The following UNC50 variants were observed in gnomAD, a reference collection of about 807,000 sequenced individuals.
UNC50 encodes the protein unc-50 inner nuclear membrane RNA binding protein.
UNC50 carries 24 observed loss-of-function variants against 31.5 expected under a neutral mutation model. That is an observed-to-expected ratio of 0.76 (90% CI 0.55 to 1.07). The LOEUF is 1.07. UNC50 is among the 50% of genes least tolerant of loss of function. The pLI is 0.00. For missense variants in UNC50, 245 were observed against 304.2 expected (o/e 0.81, Z 1.45); for synonymous variants, 118 against 114.7 (o/e 1.03, Z -0.18).
intron 1 of UNC50, chr2:98,609,105 C>G (rs1464757598): frequency 6.5e-6 from 1 of 154,078 alleles, no homozygotes; most frequent in East Asian, 1.9e-4. Context: ...CTGCCGGCGT[C>G]TGGGGGGCCT....
Position 98,608,629 on chromosome 2 carries a change from G to GAGGGA in UNC50, c.-94_-90dup, listed in dbSNP as rs746994317. Reference sequence around the variant, plus strand: ...GCGCGCCCCAAGGGCCGGCTCCGTTGAGGGAAGGGAAGCCCGCCCGGTGGC... The same window carrying GAGGGA: ...GCGCGCCCCAAGGGCCGGCTCCGTTGAGGGAAGGGAAGGGAAGCCCGCCCGGTGGC... On this transcript the variant is annotated 5_prime_UTR_variant, in exon 1 of 6. Transcript: ENST00000357765. 214 of 583,790 alleles carry GAGGGA rather than the reference G, an allele frequency of 3.7e-4. No individual in the cohort carries two copies. Among genetic ancestry groups the GAGGGA allele is most frequent in the African/African-American group, 1.4e-3 (76 of 52,424 alleles). The allele number at this position is 583,790 out of a possible 1,614,324, so 36.2% of individuals were successfully genotyped here.
chr2:98,610,449 G>A (rs1195711929), intron 2 of UNC50, among the ~76,000 whole-genome samples: 1 of 152,206 alleles, frequency 6.6e-6, no homozygotes, highest in African/African-American at 2.4e-5. Flanking sequence ...TCATTTACCT[G>A]TAGGGTGTTG....
At position 98,610,842 on chromosome 2, in the gene UNC50, G is replaced by C. The variant is rs2104174450; in HGVS notation, c.348G>C (p.Trp116Cys). The change falls in exon 3 of 6, where the codon TGG becomes TGC. Residue 116 changes from tryptophan to cysteine, a missense_variant. Trp to Cys is a radical substitution (Grantham distance 215). Transcript: ENST00000357765. Reference sequence around the variant, plus strand: ...TTGAGACAATAAAGCTTCTCCTTTGGGTTGTACTCATAGATTGTGTAGGCG... The same window carrying C: ...TTGAGACAATAAAGCTTCTCCTTTGCGTTGTACTCATAGATTGTGTAGGCG... ...GFFETIKLLLWVVLIDCVGVG... is the reference protein window; with the variant it reads ...GFFETIKLLLCVVLIDCVGVG... 1.2e-6 allele frequency: 2 copies of C among 1,614,112 alleles called. No homozygotes were observed. Among genetic ancestry groups the C allele is most frequent in the East Asian group, 2.2e-5 (1 of 44,888 alleles).
chr2:98,618,464 C>A lies in UNC50; in HGVS notation c.*160C>A. 1.9e-6 allele frequency: 1 copy of A among 530,874 alleles called. No homozygotes were observed. The highest frequency in any genetic ancestry group is 2.9e-6 in the Non-Finnish European group (1 of 343,316). The allele number at this position is 530,874 out of a possible 1,614,324, so 32.9% of individuals were successfully genotyped here. ...TATTAACACTGTGGTCAGGTACATT[C>A]CTTAAAACTAATTAAATGTACATTT... On this transcript the variant is annotated 3_prime_UTR_variant, in exon 6 of 6. Coordinates refer to ENST00000357765, the MANE Select transcript of UNC50 (RefSeq NM_014044.7).
At chr2:98,610,129 A>G in intron 2 of UNC50, 90 bp downstream of exon 2, 1 of 1,332,272 alleles carries the variant, frequency 7.5e-7, no homozygotes, top group East Asian at 2.4e-5. Context: ...GAATCTGGAA[A>G]TATTGGAAAC....
chr2:98,609,792 G>A lies in UNC50; in HGVS notation c.33G>A (p.Val11=). 6.2e-7 allele frequency: 1 copy of A among 1,614,240 alleles called. No homozygotes were observed. The highest frequency in any genetic ancestry group is 8.5e-7 in the Non-Finnish European group (1 of 1,180,050). Residue 11 remains valine, a synonymous_variant, in exon 2 of 6, where the codon GTG becomes GTA. Transcript: ENST00000357765. ...CGAGTACTTCAGTGAATTCCTTAGT[G>A]CAGGGGAACGGAGTCTTGAATTCCA... MLPSTSVNSL[V]QGNGVLNSRD... is the part of the protein sequence containing the mutation.
chr2:98,610,783 A>G lies in UNC50; in HGVS notation c.289A>G (p.Ile97Val), dbSNP rs557568989. The change falls in exon 3 of 6, where the codon ATA becomes GTA. Residue 97 changes from isoleucine to valine, a missense_variant. Transcript: ENST00000357765. ...LLSIWLCVST[I>V]GFGFVLDMGF... Reference sequence around the variant, plus strand: ...GTGAATCTTTCTTTCAGTGTCCACTATAGGATTTGGCTTTGTGCTGGACAT... The same window carrying G: ...GTGAATCTTTCTTTCAGTGTCCACTGTAGGATTTGGCTTTGTGCTGGACAT... 8.1e-6 allele frequency: 13 copies of G among 1,614,060 alleles called. No homozygotes were observed. The highest frequency in any genetic ancestry group is 5.3e-5 in the African/African-American group (4 of 75,064).
Position 98,618,482 on chromosome 2 carries a change from G to A in UNC50, c.*178G>A, listed in dbSNP as rs959346131. The A allele has an allele frequency of 6.5e-6, 3 of 464,388 alleles. No individual in the cohort carries two copies. The East Asian group carries it at 1.1e-4, about 17-fold the overall frequency. 28.8% of individuals were successfully genotyped at this position (464,388 alleles called of 1,614,324 possible). ...GTACATTCCTTAAAACTAATTAAAT[G>A]TACATTTCTATAATAAATATTTTTT... On this transcript the variant is annotated 3_prime_UTR_variant, in exon 6 of 6. Transcript: ENST00000357765.
chr2:98,615,528 A>G (rs764535896), intron 3 of UNC50, among the ~76,000 whole-genome samples: 2 of 152,088 alleles, frequency 1.3e-5, no homozygotes, highest in Non-Finnish European at 2.9e-5. Context: ...CTCCAATCCA[A>G]TAATGTCAGG....
intron 3 of UNC50, among the ~76,000 whole-genome samples, chr2:98,615,794 G>GT (rs1700910844): frequency 6.6e-6 from 1 of 152,200 alleles, no homozygotes; most frequent in Admixed American, 6.5e-5. Context: ...CACAGGCTTC[G>GT]TAAGACATGG....
At position 98,609,939 on chromosome 2, in the gene UNC50, A is replaced by T. The variant is rs1020166888; in HGVS notation, c.180A>T (p.Pro60=). 9.3e-6 allele frequency: 15 copies of T among 1,614,106 alleles called. No homozygotes were observed. Among genetic ancestry groups the T allele is most frequent in the Non-Finnish European group, 1.3e-5 (15 of 1,180,052 alleles). Residue 60 remains proline, a synonymous_variant, in exon 2 of 6, where the codon CCA becomes CCT. Transcript: ENST00000357765. ...AGATGCTCTACCTGTTCACATCCCCACAGAGAGTTTACAGAAATTTTCATT... is the reference window on the plus strand; with the variant it reads ...AGATGCTCTACCTGTTCACATCCCCTCAGAGAGTTTACAGAAATTTTCATT... ...AWQMLYLFTS[P]QRVYRNFHYR...
At chr2:98,609,689 AGAG>A (rs779464487) in intron 1 of UNC50, 64 bp from the exon 2 acceptor site, 3 of 1,604,390 alleles carry the variant, frequency 1.9e-6, no homozygotes, top group Non-Finnish European at 2.6e-6. Context: ...ATAACTCAGA[AGAG>A]GAGTGTCGGT....
rs368384475 is a variant in UNC50 at position 98,618,292 on chromosome 2, C to G, written c.768C>G (p.Tyr256Ter). ...ATACTCTCTGTTCTTTCTATAAGTA[C>G]AGAGTGAAATAAAAAGTGAGAAGAA... Reference protein sequence around the residue: ...FTHTLCSFYKYRVK With the variant: ...FTHTLCSFYK Residue 256 changes from tyrosine (Y) to a stop codon, truncating the protein, a stop_gained, in exon 6 of 6, where the codon TAC becomes TAG. Transcript: ENST00000357765. LOFTEE classifies it high-confidence loss of function. 1.3e-6 allele frequency: 2 copies of G among 1,594,820 alleles called. No individual in the cohort carries two copies. Among genetic ancestry groups the G allele is most frequent in the Non-Finnish European group, 1.7e-6 (2 of 1,174,658 alleles).
chr2:98,608,926 T>C (rs1038870417), intron 1 of UNC50, 200 bp downstream of exon 1: 2 of 232,286 alleles, frequency 8.6e-6, no homozygotes, highest in African/African-American at 2.4e-5. Flanking sequence ...AAAGAGCATT[T>C]AGTATAAGCA....
rs1170518159 is a variant in UNC50 at position 98,616,548 on chromosome 2, T to A, written c.643+15T>A. The stretch of plus-strand genomic sequence containing the variant: ...GGGATACAGTGGTAAGTAATTTTTT[T>A]AAATGTTTTTGGTTGAGAACATAGC... On this transcript the variant is annotated intron_variant, in intron 5 of 5. Transcript: ENST00000357765. 9.4e-6 allele frequency: 15 copies of A among 1,603,454 alleles called. No homozygotes were observed. The highest frequency in any genetic ancestry group is 8.0e-5 in the African/African-American group (6 of 74,692).
intron 1 of UNC50, chr2:98,609,303 TGATG>T (rs60416840): frequency 0.24 from 40,428 of 171,150 alleles, 5,079 homozygotes; most frequent in Middle Eastern, 0.36. Flanking sequence ...GGCAGTGCGC[TGATG>T]GATCTGTGTG....
chr2:98,614,542 G>A (rs72823799), intron 3 of UNC50, among the ~76,000 whole-genome samples: 71 of 152,272 alleles, frequency 4.7e-4, no homozygotes, highest in Non-Finnish European at 8.7e-4. Context: ...CCTCTGACTG[G>A]CGTTAATATG....
intron 3 of UNC50, among the ~76,000 whole-genome samples, chr2:98,612,590 A>G (rs561898336): frequency 5.9e-5 from 9 of 152,118 alleles, no homozygotes; most frequent in Non-Finnish European, 1.2e-4. Flanking sequence ...TCATACTTTT[A>G]GTAGAGACAG....
chr2:98,616,533 G>A lies in UNC50; in HGVS notation c.643G>A (p.Ala215Thr). The change falls in exon 5 of 6, where the codon GCA becomes ACA. Residue 215 changes from alanine (A) to threonine (T), a missense_variant and splice_region_variant. Ala to Thr is a moderately conservative substitution (Grantham distance 58). Transcript: ENST00000357765. ...CTATGTAACTTTCCTGGGATACAGT[G>A]GTAAGTAATTTTTTTAAATGTTTTT... ...YIYVTFLGYSALPFLKNTVIL... is the reference protein window; with the variant it reads ...YIYVTFLGYSTLPFLKNTVIL... 1 of 1,610,708 alleles carries A rather than the reference G, an allele frequency of 6.2e-7. No homozygotes were observed.
Sources: allele counts gnomAD v4.1 joint callset (sites outside exome capture counted in the v4.1 genomes callset), GRCh38; gene constraint gnomAD v4.1.1; transcripts MANE v1.5; gene names NCBI Gene and HGNC (gene_info 2026-07-23, HGNC 2026-07-21).